The following CLVS1 variants were observed in gnomAD, a reference collection of about 807,000 sequenced individuals.
CLVS1 encodes the protein clavesin 1.
A neutral mutation model predicts 33.1 loss-of-function variants in CLVS1; 10 were observed. The ratio of observed to expected loss-of-function variants is 0.30; its 90% CI spans 0.19 to 0.51. The LOEUF (loss-of-function observed/expected upper bound fraction) is 0.51, where lower values mean the gene tolerates loss of function less well. Ranked by LOEUF, CLVS1 falls within the 20% of genes least tolerant of loss-of-function variation. The pLI is 0.97. For missense variants in CLVS1, 343 were observed against 433.4 expected (o/e 0.79, Z 1.85); for synonymous variants, 163 against 166.1 (o/e 0.98, Z 0.14).
chr8:61,154,012 C>CA (rs1365350394), intron 2 of CLVS1, among the ~76,000 whole-genome samples: 2 of 152,076 alleles, frequency 1.3e-5, no homozygotes, highest in South Asian at 4.1e-4. Flanking sequence ...GGGAGCTGGA[C>CA]AAAAAATCCT....
At chr8:61,252,626 G>A (rs1808975110) in intron 2 of CLVS1, among the ~76,000 whole-genome samples, 1 of 152,144 alleles carries the variant, frequency 6.6e-6, no homozygotes, top group Admixed American at 6.5e-5. Flanking sequence ...ATATATTTAG[G>A]ATAATTAGCT....
At chr8:61,149,852 TAAA>T (rs1420613118) in intron 2 of CLVS1, among the ~76,000 whole-genome samples, 2 of 152,150 alleles carry the variant, frequency 1.3e-5, no homozygotes, top group Non-Finnish European at 2.9e-5. Flanking sequence ...GAGATTAAGC[TAAA>T]AATATATTTT....
At position 61,357,494 on chromosome 8, in the gene CLVS1, C is replaced by CTTTTTTTTTTTTTTT. The variant is rs1167743712; in HGVS notation, c.456-19097_456-19083dup. Among the ~76,000 whole-genome samples the CTTTTTTTTTTTTTTT allele has an allele frequency of 1.8e-3, 46 of 25,800 alleles. 5 individuals are homozygous for CTTTTTTTTTTTTTTT. Among genetic ancestry groups the CTTTTTTTTTTTTTTT allele is most frequent in the South Asian group, 3.7e-3 (2 of 544 alleles). The allele number at this position is 25,800 out of a possible 152,430, so 16.9% of individuals were successfully genotyped here. ...CTTCTTTTTCTTTCCTTTTTCTTTT[C>CTTTTTTTTTTTTTTT]TTTTTTTTTTTTTTTTTTTTTTTTT... is the stretch of plus-strand genomic sequence containing the variant. On this transcript the variant is annotated intron_variant, in intron 2 of 5. Coordinates refer to ENST00000325897, the MANE Select transcript of CLVS1 (RefSeq NM_173519.3).
chr8:61,027,953 C>A, the CLVS1 span, among the ~76,000 whole-genome samples: 2 of 152,168 alleles, frequency 1.3e-5, no homozygotes, highest in African/African-American at 4.8e-5. Flanking sequence ...GTGCATTAAG[C>A]AATCAAGAGA....
At chr8:61,245,192 A>G (rs769456848) in intron 2 of CLVS1, among the ~76,000 whole-genome samples, 1 of 151,200 alleles carries the variant, frequency 6.6e-6, no homozygotes, top group Non-Finnish European at 1.5e-5. Flanking sequence ...GTCTCCTTAC[A>G]TATTAGAGCT....
intron 2 of CLVS1, among the ~76,000 whole-genome samples, chr8:61,240,460 A>G (rs1487163523): frequency 6.6e-6 from 1 of 152,154 alleles, no homozygotes; most frequent in Admixed American, 6.5e-5. Context: ...CACCCTCTGT[A>G]CATCACTTTG....
chr8:61,434,171 TTCA>T (rs1816225719), intron 3 of CLVS1, among the ~76,000 whole-genome samples: 1 of 152,160 alleles, frequency 6.6e-6, no homozygotes, highest in Non-Finnish European at 1.5e-5. Context: ...CTGGAGGGTT[TTCA>T]TCAAGGTCCC....
chr8:61,219,012 T>C (rs1585698503), intron 2 of CLVS1, among the ~76,000 whole-genome samples: 1 of 152,078 alleles, frequency 6.6e-6, no homozygotes, highest in African/African-American at 2.4e-5. Context: ...GAGATGAAGG[T>C]AGACAAAGAA....
At chr8:61,361,807 T>C (rs1330057210) in intron 2 of CLVS1, among the ~76,000 whole-genome samples, 1 of 152,118 alleles carries the variant, frequency 6.6e-6, no homozygotes, top group Non-Finnish European at 1.5e-5. Flanking sequence ...ATAAAAGAAA[T>C]GGTATATACT....
intron 3 of CLVS1, among the ~76,000 whole-genome samples, chr8:61,413,300 A>G (rs574378620): frequency 6.6e-6 from 1 of 152,302 alleles, no homozygotes; most frequent in South Asian, 2.1e-4. Flanking sequence ...TTAGTATTGC[A>G]ATACAGTTGT....
At chr8:61,465,577 G>A (rs1817518273) in intron 5 of CLVS1, 1 of 152,102 alleles carries the variant, frequency 6.6e-6, no homozygotes, top group East Asian at 1.9e-4. Context: ...GCCATGGTGG[G>A]CTTTTGAGGT....
intron 3 of CLVS1, among the ~76,000 whole-genome samples, chr8:61,401,826 T>C (rs572817239): frequency 6.6e-6 from 1 of 152,312 alleles, no homozygotes; most frequent in East Asian, 1.9e-4. Context: ...CTCCTAATTG[T>C]ACTTCAAGGC....
intron 4 of CLVS1, 64 bp downstream of exon 4, chr8:61,454,315 C>A: frequency 9.0e-7 from 1 of 1,108,176 alleles, no homozygotes; most frequent in Non-Finnish European, 1.4e-6. Context: ...TTTTCTCTCT[C>A]CCCTCCTCTC....
intron 2 of CLVS1, among the ~76,000 whole-genome samples, chr8:61,263,271 A>G (rs1440305361): frequency 2.6e-5 from 4 of 152,194 alleles, no homozygotes; most frequent in African/African-American, 9.6e-5. Context: ...TTTTACCCCC[A>G]TGCTTTTCTT....
the CLVS1 span, among the ~76,000 whole-genome samples, chr8:60,982,422 C>T: frequency 3.2e-4 from 48 of 152,338 alleles, no homozygotes; most frequent in African/African-American, 1.2e-3. Context: ...ATAATAGGGT[C>T]TCTTCCTTTC....
At chr8:61,449,660 A>G (rs1278617892) in intron 3 of CLVS1, among the ~76,000 whole-genome samples, 2 of 151,864 alleles carry the variant, frequency 1.3e-5, no homozygotes, top group Admixed American at 6.6e-5. Context: ...CCTTTTTTTT[A>G]GTTGCTTTTT....
At chr8:61,077,139 TCTC>T (rs1397598917) in intron 1 of CLVS1, among the ~76,000 whole-genome samples, 1 of 152,130 alleles carries the variant, frequency 6.6e-6, no homozygotes, top group East Asian at 1.9e-4. Flanking sequence ...AGTGGCGCGA[TCTC>T]GGCTCACTGC....
At chr8:61,090,972 CTGAT>C (rs1289535621) in intron 1 of CLVS1, 2 of 487,584 alleles carry the variant, frequency 4.1e-6, no homozygotes, top group African/African-American at 4.4e-5. Context: ...CTGTGGTAGA[CTGAT>C]TAATGACCCA....
upstream of CLVS1, among the ~76,000 whole-genome samples, chr8:61,052,891 T>G (rs556192002): frequency 2.6e-5 from 4 of 152,216 alleles, no homozygotes; most frequent in Admixed American, 2.0e-4. Context: ...GGTGCCTGGC[T>G]GGGAGGCGGC....
Sources: gnomAD v4.1 joint callset for allele counts (sites outside exome capture counted in the v4.1 genomes callset) on GRCh38, gnomAD v4.1.1 for gene constraint, MANE v1.5 for transcripts, NCBI Gene and HGNC (gene_info 2026-07-23, HGNC 2026-07-21) for gene names.